Variants in NSL1 observed in about 807,000 individuals in gnomAD.
NSL1 encodes NSL1 component of MIS12 kinetochore complex, also known as kinetochore-associated protein NSL1 homolog.
In NSL1, 11 loss-of-function variants were observed where a neutral mutation model predicts 25.4. The observed-to-expected ratio is 0.43, with a 90% confidence interval of 0.27 to 0.72. The LOEUF is 0.72. NSL1 is among the 30% of genes least tolerant of loss of function. The probability of loss-of-function intolerance (pLI) is 0.19; values close to 1 mark genes in which losing one functional copy is unlikely to be tolerated. For missense variants in NSL1, 330 were observed against 342.7 expected (o/e 0.96, Z 0.29); for synonymous variants, 118 against 120.6 (o/e 0.98, Z 0.14).
At chr1:212,776,728 AC>A (rs1490249495) in intron 4 of NSL1, among the ~76,000 whole-genome samples, 1 of 149,450 alleles carries the variant, frequency 6.7e-6, no homozygotes, top group Non-Finnish European at 1.5e-5. Context: ...CAAAACAACA[AC>A]AACAACAACA....
intron 4 of NSL1, among the ~76,000 whole-genome samples, chr1:212,747,541 C>G (rs75963195): frequency 0.023 from 3,469 of 152,314 alleles, 63 homozygotes; most frequent in South Asian, 0.042. Flanking sequence ...ATCTTGACTA[C>G]AACCTTGTGA....
chr1:212,751,508 T>C (rs1015723163), intron 4 of NSL1, among the ~76,000 whole-genome samples: 1 of 152,238 alleles, frequency 6.6e-6, no homozygotes, highest in African/African-American at 2.4e-5. Flanking sequence ...AGAATATAAG[T>C]TAACTAATGG....
chr1:212,770,454 C>T (rs56300028), intron 4 of NSL1, among the ~76,000 whole-genome samples: 7,217 of 151,996 alleles, frequency 0.047, 224 homozygotes, highest in African/African-American at 0.088. Flanking sequence ...ATACAACCTA[C>T]GTTGATTGAA....
In NSL1 at chr1:212,780,556, T is replaced by A. The variant is rs1571917661; in HGVS notation, c.499+1816A>T. ...TGTCAGTTTTCAAAGACATTTTATA[T>A]CACTTAATATTACAATAAAGGAAAA... is the stretch of plus-strand genomic sequence containing the variant. On this transcript the variant is annotated intron_variant, in intron 4 of 5. Coordinates refer to ENST00000366977, the MANE Select transcript of NSL1 (RefSeq NM_015471.4). Among the ~76,000 whole-genome samples, 3 of 147,070 alleles carry A rather than the reference T, an allele frequency of 2.0e-5. No homozygotes were observed. The South Asian group carries it at 6.5e-4, about 32-fold the overall frequency.
At chr1:212,782,166 G>A (rs554464546) in intron 4 of NSL1, 22 of 708,404 alleles carry the variant, frequency 3.1e-5, no homozygotes, top group African/African-American at 1.6e-4. Context: ...CTCAGATTCC[G>A]GGGTAACACC....
rs140675222 is a variant in NSL1, at chr1:212,733,433, C to CA, written c.*4974dup. ...GGCAACACAGCAAGACCTTGTTTCACAAAAAAAAAAAAAAAAAAATCCCAT... is the reference window on the plus strand; with the variant it reads ...GGCAACACAGCAAGACCTTGTTTCACAAAAAAAAAAAAAAAAAAAATCCCAT... On this transcript the variant is annotated 3_prime_UTR_variant, in exon 6 of 6. Transcript: ENST00000366977. Among the ~76,000 whole-genome samples, 50,672 of 135,344 alleles carry CA rather than the reference C, an allele frequency of 0.37. 10,994 individuals are homozygous for CA. The highest frequency in any genetic ancestry group is 0.5 in the Non-Finnish European group (31,527 of 63,484). 88.8% of individuals were successfully genotyped at this position (135,344 alleles called of 152,430 possible). A position where few individuals can be genotyped will look rare whatever the true frequency, so the allele number is the denominator to read the frequency against.
chr1:212,780,502 A>T (rs1262479309), intron 4 of NSL1, among the ~76,000 whole-genome samples: 1 of 127,972 alleles, frequency 7.8e-6, no homozygotes. Flanking sequence ...ATGATCAATA[A>T]AAAAAAAAAA....
Position 212,737,369 on chromosome 1 carries a change from T to G in NSL1, c.*1039A>C. The stretch of plus-strand genomic sequence containing the variant: ...CAAGAGAAATACAGATTTTCCAACC[T>G]CATGATCAGTAAATTCCTTTGAAAA... On this transcript the variant is annotated 3_prime_UTR_variant, in exon 6 of 6. Transcript: ENST00000366977. 2 of 984,276 alleles carry G rather than the reference T, an allele frequency of 2.0e-6. No homozygotes were observed. Among genetic ancestry groups the G allele is most frequent in the Non-Finnish European group, 2.4e-6 (2 of 828,856 alleles). The allele number at this position is 984,276 out of a possible 1,614,324, so 61.0% of individuals were successfully genotyped here.
At chr1:212,786,287 C>T (rs185595161) in intron 2 of NSL1, among the ~76,000 whole-genome samples, 1 of 152,018 alleles carries the variant, frequency 6.6e-6, no homozygotes, top group Non-Finnish European at 1.5e-5. Context: ...CTTTTGAGGG[C>T]AAGAAATAAT....
At chr1:212,785,209 GA>G (rs1250117116) in intron 2 of NSL1, among the ~76,000 whole-genome samples, 1 of 152,132 alleles carries the variant, frequency 6.6e-6, no homozygotes, top group Non-Finnish European at 1.5e-5. Context: ...TTGATGGTAG[GA>G]AAAACTGAAA....
At position 212,779,706 on chromosome 1, in the gene NSL1, GCCAGCCGCCCCA is replaced by G. The variant is rs1171838241; in HGVS notation, c.499+2654_499+2665del. ...GGGAAGTGAGGAGCCCCACTGCCCG[GCCAGCCGCCCCA>G]TCCGGGAGGGAGGTGGGGGGGTCAG... On this transcript the variant is annotated intron_variant, in intron 4 of 5. Coordinates refer to ENST00000366977, the MANE Select transcript of NSL1 (RefSeq NM_015471.4). Among the ~76,000 whole-genome samples, 114 of 104,292 alleles carry G rather than the reference GCCAGCCGCCCCA, an allele frequency of 1.1e-3. 15 individuals carry two copies. Among genetic ancestry groups the G allele is most frequent in the East Asian group, 1.8e-3 (6 of 3,296 alleles). The allele number at this position is 104,292 out of a possible 152,430, so 68.4% of individuals were successfully genotyped here. A position where few individuals can be genotyped will look rare whatever the true frequency, so the allele number is the denominator to read the frequency against.
intron 1 of NSL1, among the ~76,000 whole-genome samples, chr1:212,788,517 A>G (rs1034305700): frequency 6.6e-6 from 1 of 152,222 alleles, no homozygotes; most frequent in Non-Finnish European, 1.5e-5. Context: ...TTAAAAGATA[A>G]AGAACCAAAA....
chr1:212,750,799 G>T (rs1383503113), intron 4 of NSL1, among the ~76,000 whole-genome samples: 1 of 151,992 alleles, frequency 6.6e-6, no homozygotes, highest in Non-Finnish European at 1.5e-5. Flanking sequence ...AAATTAGCCG[G>T]GCATGGTGGC....
chr1:212,780,109 C>T (rs1660651209), intron 4 of NSL1, among the ~76,000 whole-genome samples: 1 of 151,926 alleles, frequency 6.6e-6, no homozygotes. Flanking sequence ...GTTGCCGTGT[C>T]TGTGTAGAAA....
intron 4 of NSL1, among the ~76,000 whole-genome samples, chr1:212,776,269 A>G (rs1008491566): frequency 3.7e-4 from 57 of 152,172 alleles, no homozygotes; most frequent in Admixed American, 1.2e-3. Context: ...AGGCTGAGGC[A>G]GGAGAATCGC....
chr1:212,771,014 T>TA (rs913773586), intron 4 of NSL1, among the ~76,000 whole-genome samples: 6 of 151,982 alleles, frequency 3.9e-5, no homozygotes, highest in East Asian at 1.9e-4. Flanking sequence ...TCTGTCATGA[T>TA]AAAAAAAACT....
rs1326030069 is a variant in NSL1 at position 212,731,476 on chromosome 1, C to A, written c.*6932G>T. The A allele has an allele frequency of 1.1e-5, 11 of 985,178 alleles. No homozygotes were observed. Among genetic ancestry groups the A allele is most frequent in the Non-Finnish European group, 1.2e-5 (10 of 829,916 alleles). 61.0% of individuals were successfully genotyped at this position (985,178 alleles called of 1,614,324 possible). On this transcript the variant is annotated 3_prime_UTR_variant, in exon 6 of 6. Transcript: ENST00000366977. ...TCTGAAACCCTGAAAAACTGAAACC[C>A]CGAGAAAGGTTCTAGGGGATGATTT... is the stretch of plus-strand genomic sequence containing the variant.
Position 212,735,843 on chromosome 1 carries a change from C to T in NSL1, c.*2565G>A. 1.5e-6 allele frequency: 1 copy of T among 650,588 alleles called. No homozygotes were observed. Among genetic ancestry groups the T allele is most frequent in the Non-Finnish European group, 1.9e-6 (1 of 524,192 alleles). The allele number at this position is 650,588 out of a possible 1,614,324, so 40.3% of individuals were successfully genotyped here. ...GGAAGACAGCCCTCACCAGAAACTG[C>T]ATTTGCCAGCACCTTCTCATGGACT... On this transcript the variant is annotated 3_prime_UTR_variant, in exon 6 of 6. Transcript: ENST00000366977.
rs1168640469 is a variant in NSL1, at chr1:212,761,802, CAG to C, written c.499+20568_499+20569del. On this transcript the variant is annotated intron_variant, in intron 4 of 5. Transcript: ENST00000366977. ...AGAGATATCATTTTAAAAAATCAAA[CAG>C]AAATCCTGCATCTGAAGAGTTCTAT... 2.1e-3 allele frequency among the ~76,000 whole-genome samples: 316 copies of C among 151,752 alleles called. 7 individuals carry two copies. The highest frequency in any genetic ancestry group is 3.4e-4 in the Non-Finnish European group (23 of 67,898).
Sources: allele counts gnomAD v4.1 joint callset (sites outside exome capture counted in the v4.1 genomes callset), GRCh38; gene constraint gnomAD v4.1.1; transcripts MANE v1.5; gene names NCBI Gene and HGNC (gene_info 2026-07-23, HGNC 2026-07-21).